TP53INP1: variants seen among roughly 807,000 people sequenced by gnomAD.
The protein encoded by TP53INP1 is tumor protein p53-inducible nuclear protein 1.
TP53INP1 carries 12 observed loss-of-function variants against 21.0 expected under a neutral mutation model. That is an observed-to-expected ratio of 0.57 (90% CI 0.37 to 0.93). TP53INP1 has a LOEUF of 0.93. TP53INP1 is among the 40% of genes least tolerant of loss of function. The pLI is 0.01. For synonymous variants in TP53INP1, 91 were observed against 94.8 expected (o/e 0.96, Z 0.23); for missense variants, 274 against 294.7 (o/e 0.93, Z 0.51).
At chr8:94,935,128 T>TAGATAG (rs1554630991) in intron 3 of TP53INP1, among the ~76,000 whole-genome samples, 65 of 144,750 alleles carry the variant, frequency 4.5e-4, no homozygotes, top group African/African-American at 1.1e-3. Context: ...GGTAGATAGA[T>TAGATAG]ATAGATAGAT....
At chr8:94,945,846 G>GCAGTTTC (rs1821937519) in intron 1 of TP53INP1, among the ~76,000 whole-genome samples, 1 of 152,182 alleles carries the variant, frequency 6.6e-6, no homozygotes, top group South Asian at 2.1e-4. Flanking sequence ...CGTCAGTCCA[G>GCAGTTTC]CAGTTTCCCC....
chr8:94,927,812 C>T lies in TP53INP1; in HGVS notation c.*2667G>A, dbSNP rs1820031970. On this transcript the variant is annotated 3_prime_UTR_variant, in exon 4 of 4. Coordinates refer to ENST00000342697, the MANE Select transcript of TP53INP1 (RefSeq NM_033285.4). ...TTTTCCAAGTAACATTCTATGTTAA[C>T]AGTTTAGAGCTACTAATTCAGAGAG... 1 of 152,330 alleles carries T rather than the reference C, an allele frequency of 6.6e-6. No individual in the cohort carries two copies. The highest frequency in any genetic ancestry group is 6.6e-5 in the Admixed American group (1 of 15,248). The allele number at this position is 152,330 out of a possible 1,614,324, so 9.4% of individuals were successfully genotyped here. A position where few individuals can be genotyped will look rare whatever the true frequency, so the allele number is the denominator to read the frequency against.
At chr8:94,947,423 T>TA (rs1822119727) in intron 1 of TP53INP1, among the ~76,000 whole-genome samples, 2 of 152,240 alleles carry the variant, frequency 1.3e-5, no homozygotes, top group Non-Finnish European at 2.9e-5. Context: ...TCCTTCTTTT[T>TA]ATCCCACCCT....
rs1282940807 is a variant in TP53INP1, at chr8:94,949,170, C to A, written c.-167G>T. The A allele has an allele frequency of 6.7e-6, 1 of 150,024 alleles. No individual in the cohort carries two copies. Among genetic ancestry groups the A allele is most frequent in the Non-Finnish European group, 1.5e-5 (1 of 67,352 alleles). 9.3% of individuals were successfully genotyped at this position (150,024 alleles called of 1,614,324 possible). A position where few individuals can be genotyped will look rare whatever the true frequency, so the allele number is the denominator to read the frequency against. ...GGCACTTACGTGGGCCCGGGCCGTG[C>A]GGGGCTGCGCGGGGAAGGGAGCGGC... is the stretch of plus-strand genomic sequence containing the variant. On this transcript the variant is annotated 5_prime_UTR_variant, in exon 1 of 4. Transcript: ENST00000342697.
chr8:94,931,976 A>G, intron 3 of TP53INP1: 1 of 1,319,442 alleles, frequency 7.6e-7, no homozygotes, highest in East Asian at 2.5e-5. Context: ...CATCTCAAAA[A>G]AAGAAAGAAA....
chr8:94,932,099 T>C (rs1253909606), intron 3 of TP53INP1: 1 of 1,610,164 alleles, frequency 6.2e-7, no homozygotes, highest in East Asian at 2.2e-5. Context: ...TAAGCAGCTT[T>C]TCCTGGCCCT....
intron 3 of TP53INP1, among the ~76,000 whole-genome samples, chr8:94,938,774 A>G (rs1187893272): frequency 6.6e-6 from 1 of 152,198 alleles, no homozygotes; most frequent in African/African-American, 2.4e-5. Context: ...CCTTTTTAAT[A>G]AACTGGTAAA....
chr8:94,940,047 A>G lies in TP53INP1; in HGVS notation c.286T>C (p.Trp96Arg). Residue 96 changes from tryptophan (W) to arginine (R), a missense_variant, in exon 3 of 4, where the codon TGG becomes CGG. Coordinates refer to ENST00000342697, the MANE Select transcript of TP53INP1 (RefSeq NM_033285.4). The stretch of plus-strand genomic sequence containing the variant: ...AAACATGGGGGTGGGGTGATAAACC[A>G]GCTCTCCTCCATTGGACATGACTCA... ...QFESCPMEES[W>R]FITPPPCFTA... 1 of 1,614,238 alleles carries G rather than the reference A, an allele frequency of 6.2e-7. No individual in the cohort carries two copies.
chr8:94,927,921 A>AAG lies in TP53INP1; in HGVS notation c.*2556_*2557dup, dbSNP rs779296490. The AAG allele has an allele frequency of 1.1e-4, 17 of 152,292 alleles. No homozygotes were observed. Among genetic ancestry groups the AAG allele is most frequent in the Non-Finnish European group, 2.4e-4 (16 of 67,898 alleles). The allele number at this position is 152,292 out of a possible 1,614,324, so 9.4% of individuals were successfully genotyped here. A position where few individuals can be genotyped will look rare whatever the true frequency, so the allele number is the denominator to read the frequency against. On this transcript the variant is annotated 3_prime_UTR_variant, in exon 4 of 4. Coordinates refer to ENST00000342697, the MANE Select transcript of TP53INP1 (RefSeq NM_033285.4). ...CTAATATTTACAATAGCAAAAAAAA[A>AAG]AGCTCATAAAATGCATTTTGGCCAT...
chr8:94,938,840 G>A (rs1221838196), intron 3 of TP53INP1, among the ~76,000 whole-genome samples: 2 of 152,196 alleles, frequency 1.3e-5, no homozygotes, highest in African/African-American at 2.4e-5. Flanking sequence ...CCCAAGGAAG[G>A]GGTCGTGGGA....
intron 3 of TP53INP1, among the ~76,000 whole-genome samples, chr8:94,930,980 A>C (rs1334943220): frequency 6.6e-6 from 1 of 152,232 alleles, no homozygotes; most frequent in Non-Finnish European, 1.5e-5. Context: ...TGTTTTCTAA[A>C]AATACACTTT....
Position 94,928,301 on chromosome 8 carries a change from G to A in TP53INP1, c.*2178C>T, listed in dbSNP as rs932118117. ...TTCATGTTGCCAAACAAAATCTCAT[G>A]GCTGAACTTCTGTAGCTTGTGAGGT... On this transcript the variant is annotated 3_prime_UTR_variant, in exon 4 of 4. Transcript: ENST00000342697. 9.8e-5 allele frequency: 15 copies of A among 152,348 alleles called. No homozygotes were observed. The highest frequency in any genetic ancestry group is 1.9e-4 in the Non-Finnish European group (13 of 68,038). 9.4% of individuals were successfully genotyped at this position (152,348 alleles called of 1,614,324 possible).
rs756275649 is a variant in TP53INP1, at chr8:94,939,891, T to A, written c.442A>T (p.Thr148Ser). The change falls in exon 3 of 4, where the codon ACT (threonine) becomes TCT (serine). Residue 148 changes from threonine to serine, a missense_variant. By Grantham distance (58) the Thr-to-Ser change is moderately conservative (BLOSUM62 1). Transcript: ENST00000342697. ...CTACTTGGGCTATGTAATTCATCAG[T>A]CCCACGGGTGGCCTCACTGAGACCA... is the stretch of plus-strand genomic sequence containing the variant. ...CPGLSEATRG[T>S]DELHSPSSPR... 6.2e-7 allele frequency: 1 copy of A among 1,613,948 alleles called. No individual in the cohort carries two copies. The highest frequency in any genetic ancestry group is 8.5e-7 in the Non-Finnish European group (1 of 1,179,890).
At chr8:94,934,314 TACAC>T (rs376984979) in intron 3 of TP53INP1, among the ~76,000 whole-genome samples, 1 of 151,806 alleles carries the variant, frequency 6.6e-6, no homozygotes, top group African/African-American at 2.4e-5. Flanking sequence ...AGCTGCTGAC[TACAC>T]ACACACACAA....
At chr8:94,941,374 T>C (rs1210528602) in intron 1 of TP53INP1, among the ~76,000 whole-genome samples, 2 of 152,140 alleles carry the variant, frequency 1.3e-5, no homozygotes, top group African/African-American at 4.8e-5. Flanking sequence ...TTGAATAATA[T>C]CCTTCAAACT....
chr8:94,944,833 T>G (rs1821851210), intron 1 of TP53INP1, among the ~76,000 whole-genome samples: 1 of 152,160 alleles, frequency 6.6e-6, no homozygotes, highest in Admixed American at 6.5e-5. Flanking sequence ...ATGGGGAGAC[T>G]GCGCTGAATC....
chr8:94,941,895 G>A (rs1821572210), intron 1 of TP53INP1, among the ~76,000 whole-genome samples: 1 of 152,136 alleles, frequency 6.6e-6, no homozygotes. Context: ...GCTACCTGAT[G>A]GGCGTATCAA....
chr8:94,931,784 C>T (rs943059033), intron 3 of TP53INP1, among the ~76,000 whole-genome samples: 7 of 152,002 alleles, frequency 4.6e-5, no homozygotes, highest in Admixed American at 2.0e-4. Context: ...CCAGCCTGGC[C>T]AACATGGTGA....
intron 1 of TP53INP1, among the ~76,000 whole-genome samples, chr8:94,945,047 T>C (rs1333418781): frequency 2.0e-5 from 3 of 152,244 alleles, no homozygotes; most frequent in Non-Finnish European, 4.4e-5. Context: ...GAAATGTGAC[T>C]AGTATCATCG....
Sources: gnomAD v4.1 joint callset for allele counts (sites outside exome capture counted in the v4.1 genomes callset) on GRCh38, gnomAD v4.1.1 for gene constraint, MANE v1.5 for transcripts, NCBI Gene and HGNC (gene_info 2026-07-23, HGNC 2026-07-21) for gene names.